Variants in SERINC5 observed in about 807,000 individuals in gnomAD.
SERINC5 encodes serine incorporator 5.
In SERINC5, 41 loss-of-function variants were observed where a neutral mutation model predicts 63.1. The ratio of observed to expected loss-of-function variants is 0.65; its 90% CI spans 0.51 to 0.84. The LOEUF (loss-of-function observed/expected upper bound fraction) is 0.84. SERINC5 is among the 40% of genes least tolerant of loss of function. SERINC5 has a pLI of 0.00. For missense variants in SERINC5, 523 were observed against 573.0 expected (o/e 0.91, Z 0.89); for synonymous variants, 222 against 215.2 (o/e 1.03, Z -0.28).
chr5:80,201,766 T>C (rs1749850739), intron 2 of SERINC5, among the ~76,000 whole-genome samples: 2 of 152,276 alleles, frequency 1.3e-5, no homozygotes, highest in South Asian at 2.1e-4. Flanking sequence ...CTGTATACGC[T>C]GACCAAAGAA....
At chr5:80,187,904 A>G (rs1190506057) in intron 2 of SERINC5, among the ~76,000 whole-genome samples, 1 of 152,190 alleles carries the variant, frequency 6.6e-6, no homozygotes, top group East Asian at 1.9e-4. Flanking sequence ...AGACTGACTA[A>G]TTAATTACTA....
At chr5:80,158,999 C>A in intron 7 of SERINC5, 37 bp from the exon 8 acceptor site, 1 of 1,610,812 alleles carries the variant, frequency 6.2e-7, no homozygotes, top group South Asian at 1.1e-5. Context: ...CAGTCAAGTA[C>A]AAAGGCCAGT....
At chr5:80,155,610 G>A (rs185433762) in intron 8 of SERINC5, among the ~76,000 whole-genome samples, 9 of 148,986 alleles carry the variant, frequency 6.0e-5, no homozygotes, top group African/African-American at 1.5e-4. Context: ...GAGAGAGAGA[G>A]AAAACCATCA....
chr5:80,151,020 G>A, intron 8 of SERINC5, 72 bp from the exon 9 acceptor site: 3 of 1,095,992 alleles, frequency 2.7e-6, no homozygotes, highest in Admixed American at 3.4e-5. Flanking sequence ...GGGAAAGCCG[G>A]CTGGCCAGTG....
At position 80,174,168 on chromosome 5, in the gene SERINC5, C is replaced by A. The variant is rs139024955; in HGVS notation, c.551+786G>T. ...TTTAACCCAGGAATTCAAGATCAGCCTGGGCGACGTGGCGAAATCCCATCT... is the reference window on the plus strand; with the variant it reads ...TTTAACCCAGGAATTCAAGATCAGCATGGGCGACGTGGCGAAATCCCATCT... On this transcript the variant is annotated intron_variant, in intron 5 of 11. Coordinates refer to ENST00000507668, the MANE Select transcript of SERINC5 (RefSeq NM_001174072.3). 4.7e-3 allele frequency among the ~76,000 whole-genome samples: 713 copies of A among 151,944 alleles called. 8 individuals are homozygous for A. Among genetic ancestry groups the A allele is most frequent in the African/African-American group, 0.016 (675 of 41,456 alleles).
In SERINC5 at chr5:80,255,982, G is replaced by A. The variant is rs372668429; in HGVS notation, c.-60C>T. The A allele has an allele frequency of 2.0e-4, 284 of 1,446,600 alleles. 1 individual carries two copies. In the African/African-American group the frequency reaches 3.7e-3, roughly 19 times the overall value. The allele number at this position is 1,446,600 out of a possible 1,614,324, so 89.6% of individuals were successfully genotyped here. A position where few individuals can be genotyped will look rare whatever the true frequency, so the allele number is the denominator to read the frequency against. ...TCCCCGCGCCGCACGGGCCCTCCTG[G>A]CTGCCTCGCGCCTCGAGCGCTGGGC... On this transcript the variant is annotated 5_prime_UTR_variant, in exon 1 of 12. Transcript: ENST00000507668.
chr5:80,127,231 ATTC>A (rs1177848061), intron 11 of SERINC5, among the ~76,000 whole-genome samples: 2 of 152,184 alleles, frequency 1.3e-5, no homozygotes, highest in East Asian at 3.8e-4. Context: ...AGGATTACAT[ATTC>A]TCATCTCCTT....
At chr5:80,156,241 C>T (rs1206331058) in intron 8 of SERINC5, among the ~76,000 whole-genome samples, 2 of 152,158 alleles carry the variant, frequency 1.3e-5, no homozygotes, top group Admixed American at 6.5e-5. Context: ...CCCACACGGA[C>T]GATGTGGCCT....
At chr5:80,209,134 G>C (rs555880091) in intron 1 of SERINC5, among the ~76,000 whole-genome samples, 1 of 152,316 alleles carries the variant, frequency 6.6e-6, no homozygotes, top group Non-Finnish European at 1.5e-5. Flanking sequence ...AGCCAAGCAT[G>C]GTGGCACATG....
chr5:80,142,932 G>C lies in SERINC5; in HGVS notation c.*731C>G. The C allele has an allele frequency of 1.0e-6, 1 of 985,410 alleles. No individual in the cohort carries two copies. The highest frequency in any genetic ancestry group is 4.7e-5 in the South Asian group (1 of 21,292). The allele number at this position is 985,410 out of a possible 1,614,324, so 61.0% of individuals were successfully genotyped here. A position where few individuals can be genotyped will look rare whatever the true frequency, so the allele number is the denominator to read the frequency against. On this transcript the variant is annotated 3_prime_UTR_variant, in exon 12 of 12. Transcript: ENST00000507668. ...TTATTGCAGTAACTCGGATCAGGTAGTGATAATAAGGTGGGGAACCACCTG... is the reference window on the plus strand; with the variant it reads ...TTATTGCAGTAACTCGGATCAGGTACTGATAATAAGGTGGGGAACCACCTG...
intron 1 of SERINC5, among the ~76,000 whole-genome samples, chr5:80,231,115 A>G (rs1055554081): frequency 5.3e-5 from 8 of 152,212 alleles, no homozygotes; most frequent in Admixed American, 2.6e-4. Flanking sequence ...GTAGTTTCAA[A>G]GCCAGTATTC....
intron 1 of SERINC5, among the ~76,000 whole-genome samples, chr5:80,207,788 CT>C (rs1750243486): frequency 6.6e-6 from 1 of 152,158 alleles, no homozygotes; most frequent in African/African-American, 2.4e-5. Context: ...GTAAACTATG[CT>C]AATAATTAAG....
chr5:80,232,101 TAAAAA>T lies in SERINC5; in HGVS notation c.27+23790_27+23794del, dbSNP rs34890012. 1.0e-3 allele frequency among the ~76,000 whole-genome samples: 122 copies of T among 119,458 alleles called. 2 individuals carry two copies. Among genetic ancestry groups the T allele is most frequent in the East Asian group, 9.1e-3 (35 of 3,862 alleles). The allele number at this position is 119,458 out of a possible 152,430, so 78.4% of individuals were successfully genotyped here. On this transcript the variant is annotated intron_variant, in intron 1 of 11. Transcript: ENST00000507668. ...TGAGAAACAGACCAAGATTCTGTCT[TAAAAA>T]AAAAAAAAAAAAAAAAGGCCGGGCA...
intron 7 of SERINC5, among the ~76,000 whole-genome samples, chr5:80,163,981 C>T (rs1015325566): frequency 1.3e-5 from 2 of 152,126 alleles, no homozygotes; most frequent in East Asian, 1.9e-4. Context: ...TAGGATTTGG[C>T]TATGACTCCA....
intron 1 of SERINC5, among the ~76,000 whole-genome samples, chr5:80,214,788 T>C (rs1281792864): frequency 6.6e-6 from 1 of 152,074 alleles, no homozygotes; most frequent in East Asian, 1.9e-4. Flanking sequence ...TCCCAGCTAC[T>C]TGGGAGGCTG....
At chr5:80,223,354 C>T (rs769095892) in intron 1 of SERINC5, among the ~76,000 whole-genome samples, 10 of 152,146 alleles carry the variant, frequency 6.6e-5, no homozygotes, top group Non-Finnish European at 1.3e-4. Context: ...CTCTAGATTA[C>T]TCATAATACC....
intron 9 of SERINC5, among the ~76,000 whole-genome samples, chr5:80,148,189 C>A (rs199525611): frequency 2.0e-5 from 2 of 102,334 alleles, no homozygotes; most frequent in Non-Finnish European, 2.0e-5. Flanking sequence ...ATTTTTTATT[C>A]TTTTTTTTTT....
At chr5:80,214,122 G>A (rs1227231896) in intron 1 of SERINC5, among the ~76,000 whole-genome samples, 2 of 152,128 alleles carry the variant, frequency 1.3e-5, no homozygotes, top group Non-Finnish European at 2.9e-5. Flanking sequence ...GATTATATAG[G>A]TTATACAGAA....
Position 80,150,948 on chromosome 5 carries a change from A to G in SERINC5, c.987T>C (p.Cys329=). ...SLLIGCILYS[C]LTSTTRSSSD... is the part of the protein sequence containing the mutation. ...AACTCGATCTTGTTGTTGATGTCAAACTAAGAAACAGACAAAAACGTCAGC... is the reference window on the plus strand; with the variant it reads ...AACTCGATCTTGTTGTTGATGTCAAGCTAAGAAACAGACAAAAACGTCAGC... The change falls in exon 9 of 12, where the codon TGT becomes TGC. Residue 329 remains cysteine (C), a splice_region_variant and synonymous_variant. Transcript: ENST00000507668. 1 of 1,612,332 alleles carries G rather than the reference A, an allele frequency of 6.2e-7. No individual in the cohort carries two copies. Among genetic ancestry groups the G allele is most frequent in the South Asian group, 1.1e-5 (1 of 91,046 alleles).
Sources: gnomAD v4.1 joint callset for allele counts (sites outside exome capture counted in the v4.1 genomes callset) on GRCh38, gnomAD v4.1.1 for gene constraint, MANE v1.5 for transcripts, NCBI Gene and HGNC (gene_info 2026-07-23, HGNC 2026-07-21) for gene names.